CTNNA3: variants seen among roughly 807,000 people sequenced by gnomAD.
The protein encoded by CTNNA3 is catenin alpha 3.
Under a neutral mutation model 95.7 loss-of-function variants are expected in CTNNA3, and 76 were observed. That is an observed-to-expected ratio of 0.79 (90% confidence interval 0.66 to 0.96). The LOEUF (loss-of-function observed/expected upper bound fraction) is 0.96, where lower values mean the gene tolerates loss of function less well. CTNNA3 is among the 40% of genes least tolerant of loss of function. The pLI, the probability that CTNNA3 is intolerant of heterozygous loss-of-function variation, is 0.00. For synonymous variants in CTNNA3, 431 were observed against 374.4 expected, an observed-to-expected ratio of 1.15 and a Z score of -1.74; for missense variants, 1,191 against 1,089.8, an observed-to-expected ratio of 1.09 and a Z score of -1.31.
chr10:65,973,597 AAAG>A (rs1164852459), intron 16 of CTNNA3, among the ~76,000 whole-genome samples: 1 of 152,158 alleles, frequency 6.6e-6, no homozygotes, highest in African/African-American at 2.4e-5. Flanking sequence ...TTTATAAAGA[AAAG>A]AAGTTTAATT....
At chr10:66,627,923 A>C (rs1183160032) in intron 9 of CTNNA3, among the ~76,000 whole-genome samples, 1 of 152,102 alleles carries the variant, frequency 6.6e-6, no homozygotes, top group East Asian at 1.9e-4. Flanking sequence ...ATACTCTTTG[A>C]AAATCATACC....
intron 5 of CTNNA3, chr10:67,403,383 T>C (rs1844999427): frequency 6.6e-6 from 1 of 152,270 alleles, no homozygotes; most frequent in South Asian, 2.1e-4. Context: ...CTTTGCAGAA[T>C]CCAAGCCAAT....
At chr10:66,159,133 A>G (rs904599139) in intron 13 of CTNNA3, among the ~76,000 whole-genome samples, 3 of 151,972 alleles carry the variant, frequency 2.0e-5, no homozygotes, top group East Asian at 1.9e-4. Flanking sequence ...CTCTTTACCA[A>G]TTTGGATGCC....
intron 10 of CTNNA3, among the ~76,000 whole-genome samples, chr10:66,597,898 AAAG>A (rs907529906): frequency 5.3e-5 from 8 of 152,178 alleles, no homozygotes; most frequent in African/African-American, 1.7e-4. Flanking sequence ...ATTTGAAACA[AAAG>A]AAGGTTAATT....
intron 5 of CTNNA3, among the ~76,000 whole-genome samples, chr10:67,274,004 T>C (rs925345132): frequency 2.0e-5 from 3 of 152,166 alleles, no homozygotes; most frequent in Non-Finnish European, 4.4e-5. Flanking sequence ...ATGCAGAATA[T>C]GTACGCTTAA....
intron 5 of CTNNA3, among the ~76,000 whole-genome samples, chr10:67,287,891 A>G (rs868207246): frequency 6.6e-6 from 1 of 152,196 alleles, no homozygotes; most frequent in Non-Finnish European, 1.5e-5. Context: ...AGTAAAAAGA[A>G]CAACTTTTAC....
chr10:65,932,811 C>G (rs1277219980), intron 17 of CTNNA3, among the ~76,000 whole-genome samples: 2 of 152,104 alleles, frequency 1.3e-5, no homozygotes, highest in African/African-American at 2.4e-5. Context: ...AATCCTTCAT[C>G]ATTGAACTTT....
chr10:66,551,104 C>T (rs1589412139), intron 10 of CTNNA3, among the ~76,000 whole-genome samples: 2 of 152,110 alleles, frequency 1.3e-5, no homozygotes, highest in East Asian at 3.9e-4. Context: ...GACGGAAGGT[C>T]CAGATATCAC....
At chr10:66,120,564 T>G (rs993348220) in intron 13 of CTNNA3, among the ~76,000 whole-genome samples, 1 of 152,152 alleles carries the variant, frequency 6.6e-6, no homozygotes, top group Non-Finnish European at 1.5e-5. Context: ...ACTGTGAAGT[T>G]TGCAGTAGTA....
chr10:66,900,235 G>T (rs1005777283), intron 7 of CTNNA3, among the ~76,000 whole-genome samples: 14 of 152,134 alleles, frequency 9.2e-5, no homozygotes, highest in African/African-American at 3.1e-4. Flanking sequence ...AAAAGGGGCT[G>T]GAGTGGACCT....
intron 5 of CTNNA3, among the ~76,000 whole-genome samples, chr10:67,392,597 G>A (rs1463341286): frequency 1.5e-4 from 23 of 152,108 alleles, no homozygotes; most frequent in African/African-American, 3.4e-4. Context: ...CTATAAAGAC[G>A]CATGCACACG....
intron 6 of CTNNA3, among the ~76,000 whole-genome samples, chr10:67,197,611 T>G (rs932727687): frequency 1.3e-5 from 2 of 152,114 alleles, no homozygotes; most frequent in African/African-American, 4.8e-5. Context: ...CTTGATGTGG[T>G]CCCTGAGGTC....
chr10:66,689,149 T>G (rs1045494785), intron 9 of CTNNA3, among the ~76,000 whole-genome samples: 19 of 151,858 alleles, frequency 1.3e-4, no homozygotes, highest in African/African-American at 4.4e-4. Flanking sequence ...TCATCCAAAA[T>G]TAGGAGAACT....
intron 13 of CTNNA3, among the ~76,000 whole-genome samples, chr10:66,120,680 T>C (rs1323000708): frequency 6.6e-6 from 1 of 152,218 alleles, no homozygotes; most frequent in Non-Finnish European, 1.5e-5. Flanking sequence ...ATTGCTTTTT[T>C]ACTTTCACTC....
At chr10:66,750,987 A>C (rs1564658010) in intron 9 of CTNNA3, among the ~76,000 whole-genome samples, 1 of 152,152 alleles carries the variant, frequency 6.6e-6, no homozygotes, top group Non-Finnish European at 1.5e-5. Flanking sequence ...TTAAAATTCC[A>C]GGCTGGGCGT....
At chr10:65,928,070 A>T (rs542946049) in intron 17 of CTNNA3, among the ~76,000 whole-genome samples, 1 of 152,302 alleles carries the variant, frequency 6.6e-6, no homozygotes, top group South Asian at 2.1e-4. Flanking sequence ...TGTCCTAGCA[A>T]AAAATGGCTA....
intron 1 of CTNNA3, among the ~76,000 whole-genome samples, chr10:67,752,953 A>C (rs1841415076): frequency 6.6e-6 from 1 of 152,130 alleles, no homozygotes; most frequent in African/African-American, 2.4e-5. Flanking sequence ...CCGTTTTTCA[A>C]AAAATTAGAA....
At chr10:67,724,412 C>T (rs1463120026) in intron 1 of CTNNA3, among the ~76,000 whole-genome samples, 1 of 152,136 alleles carries the variant, frequency 6.6e-6, no homozygotes, top group Non-Finnish European at 1.5e-5. Context: ...TTCCCAATTT[C>T]GCATTCAGTT....
At chr10:66,345,959 C>A (rs569536239) in intron 12 of CTNNA3, among the ~76,000 whole-genome samples, 1 of 150,654 alleles carries the variant, frequency 6.6e-6, no homozygotes, top group South Asian at 2.1e-4. Context: ...CACCTATAGT[C>A]CCAGCTACTG....
Sources: allele counts gnomAD v4.1 joint callset (sites outside exome capture counted in the v4.1 genomes callset), GRCh38; gene constraint gnomAD v4.1.1; transcripts MANE v1.5; gene names NCBI Gene and HGNC (gene_info 2026-07-23, HGNC 2026-07-21).